CACNB4: variants seen among roughly 807,000 people sequenced by gnomAD.
CACNB4 encodes the protein calcium voltage-gated channel auxiliary subunit beta 4.
CACNB4 carries 32 observed loss-of-function variants against 71.2 expected under a neutral mutation model. That is an observed-to-expected ratio of 0.45 (90% confidence interval 0.34 to 0.60). CACNB4 has a LOEUF of 0.60. Among genes scored for constraint, CACNB4 ranks in the 20% least tolerant of loss-of-function variants. The probability of loss-of-function intolerance (pLI) is 0.01; values close to 1 mark genes in which losing one functional copy is unlikely to be tolerated. For missense variants in CACNB4, 464 were observed against 647.9 expected, an observed-to-expected ratio of 0.72 and a Z score of 3.08; for synonymous variants, 231 against 236.9, an observed-to-expected ratio of 0.97 and a Z score of 0.23.
chr2:152,091,670 C>T (rs768522787), intron 2 of CACNB4, among the ~76,000 whole-genome samples: 19 of 152,010 alleles, frequency 1.2e-4, no homozygotes, highest in Non-Finnish European at 8.8e-5. Context: ...CTGGTTGTGC[C>T]CCTCCTTGGC....
chr2:151,942,045 G>GGGAAAGGAATTCATTC (rs1560037513), intron 2 of CACNB4, among the ~76,000 whole-genome samples: 7 of 150,082 alleles, frequency 4.7e-5, no homozygotes, highest in African/African-American at 1.8e-4. Context: ...TATAAGAAAT[G>GGGAAAGGAATTCATTC]CTATCTAGAA....
Position 152,097,640 on chromosome 2 carries a change from C to T in CACNB4, c.147+690G>A, listed in dbSNP as rs528617676. 3.9e-5 allele frequency among the ~76,000 whole-genome samples: 6 copies of T among 152,256 alleles called. No homozygotes were observed. In the South Asian group the frequency reaches 1.2e-3, roughly 32 times the overall value. On this transcript the variant is annotated intron_variant, in intron 2 of 13. Transcript: ENST00000539935. ...GAGCATTACCAGCGATCCGGAGATC[C>T]CGAGCACAGACAATTCGCACTAGAA...
rs932802665 is a variant in CACNB4 at position 151,834,692 on chromosome 2, T to C, written c.*4427A>G. The C allele has an allele frequency of 1.3e-5, 2 of 151,976 alleles. No individual in the cohort carries two copies. Among genetic ancestry groups the C allele is most frequent in the Non-Finnish European group, 2.9e-5 (2 of 67,854 alleles). The allele number at this position is 151,976 out of a possible 1,614,324, so 9.4% of individuals were successfully genotyped here. ...TCCTTATTGTCTGTCTAACAGCTAA[T>C]TGGATTGACTTGACTGGTTTGATCA... On this transcript the variant is annotated 3_prime_UTR_variant, in exon 14 of 14. Transcript: ENST00000539935.
At chr2:152,070,561 G>A (rs1051116150) in intron 2 of CACNB4, among the ~76,000 whole-genome samples, 1 of 151,996 alleles carries the variant, frequency 6.6e-6, no homozygotes, top group Non-Finnish European at 1.5e-5. Context: ...GACAGGCTTG[G>A]TTTTGTCTTT....
intron 2 of CACNB4, chr2:151,936,192 G>A (rs1008471865): frequency 9.9e-5 from 15 of 152,208 alleles, no homozygotes; most frequent in African/African-American, 3.6e-4. Flanking sequence ...AACGCAGAGT[G>A]CCAGAAAGCC....
At chr2:152,019,078 T>C (rs1683512775) in intron 2 of CACNB4, among the ~76,000 whole-genome samples, 1 of 152,098 alleles carries the variant, frequency 6.6e-6, no homozygotes, top group South Asian at 2.1e-4. Flanking sequence ...GCTTGGAAAA[T>C]GTAGGTTGCA....
intron 2 of CACNB4, among the ~76,000 whole-genome samples, chr2:152,094,172 T>C (rs1423753546): frequency 6.6e-6 from 1 of 152,184 alleles, no homozygotes; most frequent in East Asian, 1.9e-4. Context: ...TGGGAGCCCC[T>C]TGTTGGGGAA....
In CACNB4 at chr2:151,870,525, T is replaced by A; in HGVS notation, c.699+6A>T. 1 of 1,609,610 alleles carries A rather than the reference T, an allele frequency of 6.2e-7. No individual in the cohort carries two copies. Among genetic ancestry groups the A allele is most frequent in the Non-Finnish European group, 8.5e-7 (1 of 1,176,098 alleles). On this transcript the variant is annotated splice_donor_region_variant and intron_variant, in intron 8 of 13. Coordinates refer to ENST00000539935, the MANE Select transcript of CACNB4 (RefSeq NM_000726.5). ...AGAACTGAAGAGTAACAGATGATAT[T>A]TGTACCTCGTAACCTTTCAGTGACG...
chr2:152,056,360 CAAAAAAAAAA>C (rs138908104), intron 2 of CACNB4, among the ~76,000 whole-genome samples: 1 of 96,258 alleles, frequency 1.0e-5, no homozygotes, highest in Non-Finnish European at 2.2e-5. Context: ...GACTCTGTCT[CAAAAAAAAAA>C]AAAAAGAAAT....
intron 2 of CACNB4, among the ~76,000 whole-genome samples, chr2:151,961,293 T>G (rs2099869581): frequency 6.6e-6 from 1 of 152,204 alleles, no homozygotes; most frequent in African/African-American, 2.4e-5. Flanking sequence ...CGCACTTTCC[T>G]TTATCTTCTC....
intron 2 of CACNB4, among the ~76,000 whole-genome samples, chr2:151,926,137 A>T (rs1373060549): frequency 6.6e-6 from 1 of 152,222 alleles, no homozygotes; most frequent in Non-Finnish European, 1.5e-5. Flanking sequence ...GAATGTATAT[A>T]GGCAGAAAGA....
chr2:152,029,742 G>A (rs1684180620), intron 2 of CACNB4, among the ~76,000 whole-genome samples: 1 of 152,128 alleles, frequency 6.6e-6, no homozygotes, highest in Admixed American at 6.5e-5. Context: ...CCTCATGAAA[G>A]TGATTAGTGC....
In CACNB4 at chr2:151,880,914, A is replaced by G; in HGVS notation, c.276T>C (p.Pro92=). 6.2e-7 allele frequency: 1 copy of G among 1,612,922 alleles called. No individual in the cohort carries two copies. The highest frequency in any genetic ancestry group is 1.1e-5 in the South Asian group (1 of 90,784). ...CATTTGTCTTCACGGCAAATGCTAC[A>G]GGTTTGGACTAGGGACAGAACCATG... ...AIQLERAKSK[P]VAFAVKTNVS... Residue 92 remains proline (P), a synonymous_variant, in exon 4 of 14, where the codon CCT becomes CCC. Transcript: ENST00000539935.
intron 2 of CACNB4, among the ~76,000 whole-genome samples, chr2:152,007,839 T>C (rs898606644): frequency 6.6e-6 from 1 of 152,198 alleles, no homozygotes; most frequent in East Asian, 1.9e-4. Context: ...TGGCACCATC[T>C]TGGCTTACTG....
intron 6 of CACNB4, 119 bp from the exon 7 acceptor site, chr2:151,870,980 T>C: frequency 1.4e-6 from 1 of 708,576 alleles, no homozygotes; most frequent in Admixed American, 2.8e-5. Context: ...ACCACCTTCC[T>C]ATCGCCCACT....
intron 2 of CACNB4, among the ~76,000 whole-genome samples, chr2:151,922,751 T>C (rs765204249): frequency 9.2e-5 from 14 of 152,232 alleles, no homozygotes; most frequent in Non-Finnish European, 1.9e-4. Context: ...CAGTTGCAGT[T>C]TGTGGACTCC....
At position 152,098,785 on chromosome 2, in the gene CACNB4, C is replaced by T. The variant is rs1271634324; in HGVS notation, c.63+164G>A. 2 of 744,936 alleles carry T rather than the reference C, an allele frequency of 2.7e-6. No homozygotes were observed. Among genetic ancestry groups the T allele is most frequent in the Non-Finnish European group, 4.0e-6 (2 of 497,724 alleles). 46.1% of individuals were successfully genotyped at this position (744,936 alleles called of 1,614,324 possible). ...AGAGAAGGAGGAGAAAGAGGAGGAG[C>T]GGGAGGAGAAAGGGACGTGGAGGAG... On this transcript the variant is annotated intron_variant, in intron 1 of 13. Transcript: ENST00000539935. The surrounding 1 kb of genome is among the most constrained non-coding windows in gnomAD (Gnocchi z 5.3).
chr2:151,992,947 A>G (rs1438923744), intron 2 of CACNB4, among the ~76,000 whole-genome samples: 1 of 152,232 alleles, frequency 6.6e-6, no homozygotes, highest in Non-Finnish European at 1.5e-5. Flanking sequence ...CAGAACATTT[A>G]AGTTCTCAGG....
chr2:152,026,301 A>T (rs750085464), intron 2 of CACNB4, among the ~76,000 whole-genome samples: 4 of 151,886 alleles, frequency 2.6e-5, no homozygotes, highest in Non-Finnish European at 5.9e-5. Flanking sequence ...TTTCCACTGG[A>T]CTGTTTCCAT....
Sources: gnomAD v4.1 joint callset for allele counts (sites outside exome capture counted in the v4.1 genomes callset) on GRCh38, gnomAD v4.1.1 for gene constraint, Gnocchi (gnomAD v3.1) non-coding constraint, MANE v1.5 for transcripts, NCBI Gene and HGNC (gene_info 2026-07-23, HGNC 2026-07-21) for gene names.